ADAMTSL1: variants seen among roughly 807,000 people sequenced by gnomAD.
ADAMTSL1 encodes the protein ADAMTS like 1.
In ADAMTSL1, 126 loss-of-function variants were observed where a neutral mutation model predicts 201.8. The ratio of observed to expected loss-of-function variants is 0.62; its 90% confidence interval spans 0.54 to 0.72. ADAMTSL1 has a LOEUF of 0.72. ADAMTSL1 is among the 30% of genes least tolerant of loss of function. The probability of loss-of-function intolerance (pLI) is 0.00; values close to 1 mark genes in which losing one functional copy is unlikely to be tolerated. For synonymous variants in ADAMTSL1, 1,121 were observed against 903.4 expected, an observed-to-expected ratio of 1.24 and a Z score of -4.32; for missense variants, 2,679 against 2,277.8, an observed-to-expected ratio of 1.18 and a Z score of -3.59.
chr9:18,795,718 T>C (rs1822382015), intron 20 of ADAMTSL1, among the ~76,000 whole-genome samples, 194 bp downstream of exon 20: 1 of 152,188 alleles, frequency 6.6e-6, no homozygotes, highest in Admixed American at 6.5e-5. Context: ...CCAAATAGTA[T>C]GCAAGGACAG....
chr9:18,802,529 G>GTC (rs1284129652), intron 20 of ADAMTSL1, among the ~76,000 whole-genome samples: 1 of 152,030 alleles, frequency 6.6e-6, no homozygotes, highest in African/African-American at 2.4e-5. Flanking sequence ...ATTTATCCAT[G>GTC]TCGTAGCATT....
chr9:18,471,684 A>G (rs1821219797), upstream of ADAMTSL1, among the ~76,000 whole-genome samples: 1 of 152,202 alleles, frequency 6.6e-6, no homozygotes, highest in Admixed American at 6.5e-5. Flanking sequence ...TCCCAAGAGG[A>G]AAGAAAATGC....
At chr9:18,301,427 C>T (rs1833707105) in intron 2 of ADAMTSL1, among the ~76,000 whole-genome samples, 1 of 152,272 alleles carries the variant, frequency 6.6e-6, no homozygotes, top group East Asian at 1.9e-4. Context: ...CCAGTGGATG[C>T]CTGAAACCGC....
intron 15 of ADAMTSL1, among the ~76,000 whole-genome samples, chr9:18,731,201 G>T (rs1186211222): frequency 6.6e-6 from 1 of 152,180 alleles, no homozygotes; most frequent in Non-Finnish European, 1.5e-5. Context: ...TAGAGATACT[G>T]CCTGGAAAAA....
intron 9 of ADAMTSL1, among the ~76,000 whole-genome samples, chr9:18,672,131 A>T (rs1829857180): frequency 6.6e-6 from 1 of 151,884 alleles, no homozygotes; most frequent in Non-Finnish European, 1.5e-5. Flanking sequence ...GTAGAGAGAG[A>T]TGTATCTCAA....
At chr9:18,284,955 T>C (rs561275672) in intron 2 of ADAMTSL1, among the ~76,000 whole-genome samples, 16 of 152,318 alleles carry the variant, frequency 1.1e-4, no homozygotes, top group South Asian at 4.1e-4. Flanking sequence ...CTATTGAACA[T>C]TTTGGTCACT....
In ADAMTSL1 at chr9:18,533,308, T is replaced by G. The variant is rs373902111; in HGVS notation, c.237+16T>G. 31 of 1,599,254 alleles carry G rather than the reference T, an allele frequency of 1.9e-5. No individual in the cohort carries two copies. Among genetic ancestry groups the G allele is most frequent in the Non-Finnish European group, 2.6e-5 (31 of 1,172,868 alleles). On this transcript the variant is annotated intron_variant, in intron 3 of 28. Transcript: ENST00000380548. ...CAGTAATGTGGTAAGTATAAGGTTC[T>G]GAGATTGTAATCATGTATTTTTGTT...
chr9:18,666,097 C>T (rs894626802), intron 9 of ADAMTSL1, among the ~76,000 whole-genome samples: 1 of 152,160 alleles, frequency 6.6e-6, no homozygotes, highest in African/African-American at 2.4e-5. Context: ...CACATAGTAA[C>T]TCGACATTGT....
At chr9:18,514,811 T>C (rs904594524) in intron 2 of ADAMTSL1, among the ~76,000 whole-genome samples, 1 of 152,232 alleles carries the variant, frequency 6.6e-6, no homozygotes, top group Non-Finnish European at 1.5e-5. Flanking sequence ...GACCTAAGAC[T>C]TTCAGTACTC....
chr9:18,788,990 C>G (rs548357825), intron 19 of ADAMTSL1, among the ~76,000 whole-genome samples: 1 of 152,184 alleles, frequency 6.6e-6, no homozygotes, highest in East Asian at 1.9e-4. Context: ...AAGGTAGTTG[C>G]CAACCCAACG....
chr9:18,775,708 A>G, intron 17 of ADAMTSL1, 35 bp from the exon 18 acceptor site: 3 of 1,605,442 alleles, frequency 1.9e-6, no homozygotes, highest in Non-Finnish European at 8.5e-7. Context: ...TAGTTCCCAG[A>G]ATTTATGTGC....
At chr9:18,293,227 C>G (rs572691733) in intron 2 of ADAMTSL1, among the ~76,000 whole-genome samples, 1 of 152,324 alleles carries the variant, frequency 6.6e-6, no homozygotes, top group African/African-American at 2.4e-5. Context: ...AGTGAACATG[C>G]AAATGCTTGT....
At chr9:18,639,133 C>A in intron 6 of ADAMTSL1, 121 bp from the exon 7 acceptor site, 2 of 884,066 alleles carry the variant, frequency 2.3e-6, no homozygotes, top group South Asian at 1.6e-5. Context: ...TCAATTTTGT[C>A]AGCTATATAA....
intron 16 of ADAMTSL1, among the ~76,000 whole-genome samples, chr9:18,770,337 G>A (rs911284605): frequency 1.3e-5 from 2 of 152,256 alleles, no homozygotes; most frequent in African/African-American, 2.4e-5. Context: ...CATAGTTCAG[G>A]AGCAACTTTC....
At chr9:18,136,754 A>C (rs1379037960) in intron 1 of ADAMTSL1, among the ~76,000 whole-genome samples, 1 of 152,162 alleles carries the variant, frequency 6.6e-6, no homozygotes, top group Non-Finnish European at 1.5e-5. Flanking sequence ...CTGGGGTTGC[A>C]GTGTGGTTAG....
chr9:18,050,258 T>C (rs1007503661), intron 1 of ADAMTSL1, among the ~76,000 whole-genome samples: 1 of 152,192 alleles, frequency 6.6e-6, no homozygotes, highest in African/African-American at 2.4e-5. Flanking sequence ...ATATAACAAA[T>C]TCTTTATGCT....
At chr9:18,317,646 T>G (rs781150866) in intron 2 of ADAMTSL1, among the ~76,000 whole-genome samples, 3 of 152,224 alleles carry the variant, frequency 2.0e-5, no homozygotes, top group Non-Finnish European at 4.4e-5. Flanking sequence ...CTAAAAGGCC[T>G]TTAGTCCCCA....
At chr9:17,976,905 T>C (rs1818475343) in intron 1 of ADAMTSL1, among the ~76,000 whole-genome samples, 1 of 152,076 alleles carries the variant, frequency 6.6e-6, no homozygotes, top group African/African-American at 2.4e-5. Flanking sequence ...GTATTGTTTT[T>C]TCCTTCCTGA....
At chr9:18,577,471 G>A (rs1482805425) in intron 4 of ADAMTSL1, among the ~76,000 whole-genome samples, 1 of 152,114 alleles carries the variant, frequency 6.6e-6, no homozygotes, top group Non-Finnish European at 1.5e-5. Context: ...GGGTGACAGA[G>A]CAAGACTCCA....
Sources: gnomAD v4.1 joint callset for allele counts (sites outside exome capture counted in the v4.1 genomes callset) on GRCh38, gnomAD v4.1.1 for gene constraint, MANE v1.5 for transcripts, NCBI Gene and HGNC (gene_info 2026-07-23, HGNC 2026-07-21) for gene names.